The following SIL1 variants were observed in gnomAD, a reference collection of about 807,000 sequenced individuals.
The protein encoded by SIL1 is SIL1 nucleotide exchange factor, also known as nucleotide exchange factor SIL1.
In SIL1, 40 loss-of-function variants were observed where a neutral mutation model predicts 49.1. The observed-to-expected ratio is 0.81, with a 90% CI of 0.63 to 1.06. The LOEUF (loss-of-function observed/expected upper bound fraction) is 1.06. Among genes scored for constraint, SIL1 ranks in the 50% least tolerant of loss-of-function variants. SIL1 has a pLI of 0.00. For missense variants in SIL1, 500 were observed against 572.6 expected (o/e 0.87, Z 1.29); for synonymous variants, 253 against 250.8 (o/e 1.01, Z -0.08).
At chr5:139,018,493 G>T (rs148907894) in intron 7 of SIL1, among the ~76,000 whole-genome samples, 247 of 151,496 alleles carry the variant, frequency 1.6e-3, no homozygotes, top group Non-Finnish European at 2.3e-3. Context: ...AGATGGCTGA[G>T]GTGGAAGGAT....
At chr5:139,144,262 T>G (rs916141750) in intron 1 of SIL1, among the ~76,000 whole-genome samples, 3 of 151,936 alleles carry the variant, frequency 2.0e-5, no homozygotes, top group African/African-American at 7.3e-5. Flanking sequence ...AACTCAAGGC[T>G]GCAGTGGGCT....
intron 3 of SIL1, among the ~76,000 whole-genome samples, chr5:139,104,539 C>T (rs901907658): frequency 6.6e-6 from 1 of 152,216 alleles, no homozygotes; most frequent in Non-Finnish European, 1.5e-5. Context: ...TTTTCCTCTC[C>T]TCTCCCCTAG....
chr5:138,988,895 T>A (rs1234054658), intron 7 of SIL1, among the ~76,000 whole-genome samples: 1 of 152,152 alleles, frequency 6.6e-6, no homozygotes. Context: ...ACAAAATACT[T>A]ATATAGTTAA....
chr5:139,071,262 T>G (rs994719224), intron 3 of SIL1, among the ~76,000 whole-genome samples: 1 of 151,942 alleles, frequency 6.6e-6, no homozygotes, highest in African/African-American at 2.4e-5. Flanking sequence ...TCAAAGAGAC[T>G]TAAAGGATAT....
At chr5:139,148,735 A>G (rs974106491) in intron 1 of SIL1, among the ~76,000 whole-genome samples, 2 of 152,206 alleles carry the variant, frequency 1.3e-5, no homozygotes, top group South Asian at 4.1e-4. Flanking sequence ...CACTCTTACA[A>G]CAAGGGCCCC....
At chr5:139,073,243 C>T (rs959865610) in intron 3 of SIL1, among the ~76,000 whole-genome samples, 31 of 152,168 alleles carry the variant, frequency 2.0e-4, no homozygotes, top group African/African-American at 6.8e-4. Context: ...GTCATAGAGA[C>T]GTCTGCACTC....
intron 3 of SIL1, among the ~76,000 whole-genome samples, chr5:139,095,792 C>A (rs1446946142): frequency 6.6e-5 from 10 of 151,674 alleles, no homozygotes; most frequent in Non-Finnish European, 1.2e-4. Flanking sequence ...TGTGCCACTG[C>A]ACTCCAGCTG....
intron 1 of SIL1, among the ~76,000 whole-genome samples, chr5:139,134,033 T>C (rs1191312258): frequency 3.3e-5 from 5 of 152,242 alleles, no homozygotes; most frequent in Non-Finnish European, 5.9e-5. Flanking sequence ...CTTCAAAGGT[T>C]GGTAGCGAGG....
chr5:139,102,239 A>G (rs1770602778), intron 3 of SIL1, among the ~76,000 whole-genome samples: 1 of 152,212 alleles, frequency 6.6e-6, no homozygotes, highest in African/African-American at 2.4e-5. Flanking sequence ...CTCACTTTAT[A>G]CCTATATGCT....
chr5:139,058,312 T>C (rs966683160), intron 3 of SIL1, among the ~76,000 whole-genome samples: 7 of 151,776 alleles, frequency 4.6e-5, no homozygotes, highest in African/African-American at 1.7e-4. Flanking sequence ...GTGGCAGTAA[T>C]TGCACAACAC....
At chr5:138,980,739 T>C (rs1372458717) in intron 7 of SIL1, among the ~76,000 whole-genome samples, 1 of 152,172 alleles carries the variant, frequency 6.6e-6, no homozygotes, top group Non-Finnish European at 1.5e-5. Flanking sequence ...GAAAGGGTGG[T>C]ATCTATTTTT....
At chr5:139,121,603 C>T (rs527778586) in intron 2 of SIL1, among the ~76,000 whole-genome samples, 2 of 152,256 alleles carry the variant, frequency 1.3e-5, no homozygotes, top group South Asian at 2.1e-4. Flanking sequence ...AAAACACATA[C>T]ATGAATGGGA....
At chr5:139,071,491 A>T (rs1170918893) in intron 3 of SIL1, among the ~76,000 whole-genome samples, 1 of 152,140 alleles carries the variant, frequency 6.6e-6, no homozygotes, top group African/African-American at 2.4e-5. Context: ...ATTAAGCTAC[A>T]TATTTTGTAT....
At chr5:139,052,163 G>A (rs1433267616) in intron 3 of SIL1, among the ~76,000 whole-genome samples, 1 of 152,140 alleles carries the variant, frequency 6.6e-6, no homozygotes, top group East Asian at 1.9e-4. Flanking sequence ...AATGATATAG[G>A]CAAGTATTCA....
intron 1 of SIL1, among the ~76,000 whole-genome samples, chr5:139,148,240 C>A (rs1751229872): frequency 6.6e-6 from 1 of 152,080 alleles, no homozygotes; most frequent in Non-Finnish European, 1.5e-5. Flanking sequence ...GGATTTGTGA[C>A]AGCAGGTAGG....
At chr5:139,148,354 C>T (rs1581133951) in intron 1 of SIL1, among the ~76,000 whole-genome samples, 2 of 152,152 alleles carry the variant, frequency 1.3e-5, no homozygotes, top group South Asian at 4.1e-4. Context: ...GTGTCCTAGG[C>T]TGGAACTTGC....
At chr5:139,096,215 A>G (rs1770461312) in intron 3 of SIL1, among the ~76,000 whole-genome samples, 1 of 152,062 alleles carries the variant, frequency 6.6e-6, no homozygotes, top group South Asian at 2.1e-4. Context: ...AACTCAGCTG[A>G]CGCCCACCCA....
chr5:138,968,113 G>A (rs573383534), intron 7 of SIL1, among the ~76,000 whole-genome samples: 52 of 152,284 alleles, frequency 3.4e-4, no homozygotes, highest in African/African-American at 1.2e-3. Context: ...TTTAATGTGT[G>A]CTTGGGCTGG....
intron 1 of SIL1, among the ~76,000 whole-genome samples, chr5:139,152,623 G>GA (rs1298973173): frequency 1.2e-3 from 135 of 116,482 alleles, no homozygotes; most frequent in Admixed American, 3.8e-3. Context: ...AACATCTTGG[G>GA]AAAAAAAAAA....
Sources: allele counts gnomAD v4.1 joint callset (sites outside exome capture counted in the v4.1 genomes callset), GRCh38; gene constraint gnomAD v4.1.1; transcripts MANE v1.5; gene names NCBI Gene and HGNC (gene_info 2026-07-23, HGNC 2026-07-21).